The following RFC1 variants were observed in gnomAD, a reference collection of about 807,000 sequenced individuals.
RFC1 encodes the protein replication factor C subunit 1, also known as A1 140 kDa subunit.
RFC1 carries 37 observed loss-of-function variants against 137.4 expected under a neutral mutation model. The ratio of observed to expected loss-of-function variants is 0.27; its 90% CI spans 0.21 to 0.35. The LOEUF (loss-of-function observed/expected upper bound fraction) is 0.35. Ranked by LOEUF, RFC1 falls within the 10% of genes least tolerant of loss-of-function variation. The pLI is 1.00. For synonymous variants in RFC1, 429 were observed against 455.7 expected, an observed-to-expected ratio of 0.94 and a Z score of 0.75; for missense variants, 1,205 against 1,358.5, an observed-to-expected ratio of 0.89 and a Z score of 1.78.
intron 2 of RFC1, 119 bp from the exon 3 acceptor site, chr4:39,345,595 A>C: frequency 1.4e-6 from 1 of 705,588 alleles, no homozygotes; most frequent in Non-Finnish European, 2.3e-6. Context: ...ATCTCGGCTC[A>C]CTGCAAGCTC....
Position 39,345,419 on chromosome 4 carries a change from T to C in RFC1, c.190A>G (p.Arg64Gly). The change falls in exon 3 of 25, where the codon AGG (arginine) becomes GGG (glycine). Residue 64 changes from arginine to glycine, a missense_variant. Arg to Gly is a moderately radical substitution (Grantham distance 125). Around this residue, in one of 3 missense-constraint regions of RFC1, gnomAD observed 962 missense variants for 1,035.3 expected, o/e 0.93. Transcript: ENST00000349703. ...FKQKQPSKKK[R>G]IIYDSDSESE... ...TTATTACCTGAATCATAGATGATCC[T>C]CTTTTTCTTGCTTGGTTGCTTTTGT... 6.2e-7 allele frequency: 1 copy of C among 1,613,912 alleles called. No homozygotes were observed. Among genetic ancestry groups the C allele is most frequent in the Non-Finnish European group, 8.5e-7 (1 of 1,179,872 alleles).
intron 3 of RFC1, among the ~76,000 whole-genome samples, chr4:39,343,055 A>C (rs1244542819): frequency 6.6e-6 from 1 of 152,032 alleles, no homozygotes; most frequent in East Asian, 1.9e-4. Context: ...TTTGAGACGG[A>C]GTCTCGCTCT....
Position 39,304,943 on chromosome 4 carries a change from G to T in RFC1, c.1996-15C>A. ...TATCCCAACTCCTAATCAAAATATT[G>T]GAAACCACTGAAGGCACAATACAAA... is the stretch of plus-strand genomic sequence containing the variant. On this transcript the variant is annotated splice_polypyrimidine_tract_variant and intron_variant, in intron 14 of 24. Coordinates refer to ENST00000349703, the MANE Select transcript of RFC1 (RefSeq NM_002913.5). The T allele has an allele frequency of 6.8e-7, 1 of 1,469,244 alleles. No homozygotes were observed. The highest frequency in any genetic ancestry group is 9.5e-7 in the Non-Finnish European group (1 of 1,048,466). The allele number at this position is 1,469,244 out of a possible 1,614,324, so 91.0% of individuals were successfully genotyped here. A position where few individuals can be genotyped will look rare whatever the true frequency, so the allele number is the denominator to read the frequency against.
At chr4:39,319,752 T>C (rs905999582) in intron 9 of RFC1, among the ~76,000 whole-genome samples, 1 of 152,054 alleles carries the variant, frequency 6.6e-6, no homozygotes, top group Non-Finnish European at 1.5e-5. Context: ...CCAAACTATA[T>C]ATATACTTAC....
Position 39,304,888 on chromosome 4 carries a change from G to A in RFC1, c.2036C>T (p.Thr679Ile). 6.2e-7 allele frequency: 1 copy of A among 1,613,340 alleles called. No homozygotes were observed. The highest frequency in any genetic ancestry group is 1.1e-5 in the South Asian group (1 of 91,064). The part of the protein sequence containing the change: ...YSYVELNASD[T>I]RSKSSLKAIV... The stretch of plus-strand genomic sequence containing the variant: ...CGCCTTCAAACTGCTCTTACTCCGG[G>A]TGTCACTTGCATTCAGTTCCACGTA... The change falls in exon 15 of 25, where the codon ACC becomes ATC. Residue 679 changes from threonine (T) to isoleucine (I), a missense_variant. Coordinates refer to ENST00000349703, the MANE Select transcript of RFC1 (RefSeq NM_002913.5).
rs910834980 is a variant in RFC1, at chr4:39,366,362, C to G, written c.-121G>C. 1 of 1,227,920 alleles carries G rather than the reference C, an allele frequency of 8.1e-7. No homozygotes were observed. The highest frequency in any genetic ancestry group is 1.1e-6 in the Non-Finnish European group (1 of 928,352). 76.1% of individuals were successfully genotyped at this position (1,227,920 alleles called of 1,614,324 possible). On this transcript the variant is annotated 5_prime_UTR_variant, in exon 1 of 25. Transcript: ENST00000349703. ...CCCGCGAAGTGCAAGAAGGCGAAGA[C>G]AGTGGCGCGCGGTGATGACGTCAGG...
At chr4:39,326,834 C>T (rs1011669631) in intron 5 of RFC1, among the ~76,000 whole-genome samples, 194 bp from the exon 6 acceptor site, 2 of 152,128 alleles carry the variant, frequency 1.3e-5, no homozygotes, top group African/African-American at 4.8e-5. Context: ...AATAAATATC[C>T]TATAGACAGA....
chr4:39,352,603 A>T (rs1741264084), intron 1 of RFC1, among the ~76,000 whole-genome samples: 1 of 152,336 alleles, frequency 6.6e-6, no homozygotes, highest in African/African-American at 2.4e-5. Flanking sequence ...TCCTCAGTAA[A>T]GTGGGACTAA....
intron 2 of RFC1, among the ~76,000 whole-genome samples, chr4:39,351,115 G>A (rs954756404): frequency 1.3e-5 from 2 of 151,902 alleles, no homozygotes; most frequent in Non-Finnish European, 2.9e-5. Flanking sequence ...GCTGGGTGTG[G>A]TGGCGGGCGC....
intron 14 of RFC1, among the ~76,000 whole-genome samples, chr4:39,305,468 C>T (rs17335257): frequency 3.7e-3 from 558 of 152,004 alleles, no homozygotes; most frequent in Non-Finnish European, 5.8e-3. Context: ...ATTAGCTGGG[C>T]GTGGTGGCGT....
chr4:39,347,760 CA>C (rs1233695411), intron 2 of RFC1, among the ~76,000 whole-genome samples: 2 of 152,138 alleles, frequency 1.3e-5, no homozygotes, highest in African/African-American at 4.8e-5. Context: ...TCAGAGAATA[CA>C]TATATCATCA....
At chr4:39,334,125 C>T (rs1182055063) in intron 4 of RFC1, among the ~76,000 whole-genome samples, 2 of 151,860 alleles carry the variant, frequency 1.3e-5, no homozygotes, top group African/African-American at 4.8e-5. Flanking sequence ...TGCCAATTTC[C>T]CCATACTCCT....
At chr4:39,350,768 T>C (rs1741143075) in intron 2 of RFC1, among the ~76,000 whole-genome samples, 1 of 152,158 alleles carries the variant, frequency 6.6e-6, no homozygotes, top group Non-Finnish European at 1.5e-5. Context: ...GAAAATGATA[T>C]TAGACGAAAA....
At chr4:39,328,706 A>G (rs1739914517) in intron 4 of RFC1, among the ~76,000 whole-genome samples, 1 of 152,158 alleles carries the variant, frequency 6.6e-6, no homozygotes. Context: ...CAATAGGAAT[A>G]ATTTTAGTCT....
intron 6 of RFC1, among the ~76,000 whole-genome samples, chr4:39,325,248 C>T (rs935842127): frequency 2.0e-5 from 3 of 152,208 alleles, no homozygotes; most frequent in African/African-American, 7.2e-5. Flanking sequence ...CCTACTCTGC[C>T]TTTCCATTTG....
intron 2 of RFC1, among the ~76,000 whole-genome samples, chr4:39,348,082 G>A (rs1485350854): frequency 6.6e-6 from 1 of 152,106 alleles, no homozygotes. Context: ...AAAGGGACCA[G>A]AACTTGAAGA....
intron 19 of RFC1, 95 bp downstream of exon 19, chr4:39,302,183 C>T (rs558210805): frequency 2.7e-6 from 2 of 751,376 alleles, no homozygotes; most frequent in Admixed American, 2.0e-5. Context: ...CACAGGCATA[C>T]CAAGGAACTA....
At chr4:39,304,196 G>T (rs1738517025) in intron 15 of RFC1, among the ~76,000 whole-genome samples, 1 of 152,170 alleles carries the variant, frequency 6.6e-6, no homozygotes. Context: ...GCACTGTGCG[G>T]TCCTTAACTT....
intron 2 of RFC1, among the ~76,000 whole-genome samples, chr4:39,347,778 G>C (rs1268632804): frequency 6.6e-6 from 1 of 152,196 alleles, no homozygotes; most frequent in African/African-American, 2.4e-5. Context: ...ATCATGAACA[G>C]AATGTTGGTA....
Sources: allele counts gnomAD v4.1 joint callset (sites outside exome capture counted in the v4.1 genomes callset), GRCh38; gene constraint gnomAD v4.1.1; regional missense constraint gnomAD v4.1.1; transcripts MANE v1.5; gene names NCBI Gene and HGNC (gene_info 2026-07-23, HGNC 2026-07-21).